The following LEF1 variants were observed in gnomAD, a reference collection of about 807,000 sequenced individuals.
LEF1 encodes lymphoid enhancer binding factor 1, also known as lymphoid enhancer-binding factor 1.
In LEF1, 14 loss-of-function variants were observed where a neutral mutation model predicts 51.2. The observed-to-expected ratio is 0.27, with a 90% confidence interval of 0.18 to 0.43. The LOEUF is 0.43. Among genes scored for constraint, LEF1 ranks in the 20% least tolerant of loss-of-function variants. The pLI is 1.00. For missense variants in LEF1, 386 were observed against 512.0 expected (o/e 0.75, Z 2.37); for synonymous variants, 185 against 183.2 (o/e 1.01, Z -0.08).
At chr4:108,054,172 C>T (rs1737178843) in intron 11 of LEF1, among the ~76,000 whole-genome samples, 2 of 152,178 alleles carry the variant, frequency 1.3e-5, no homozygotes, top group African/African-American at 2.4e-5. Context: ...CCATCGGTTA[C>T]CACCTGGAAA....
intron 9 of LEF1, among the ~76,000 whole-genome samples, chr4:108,069,623 T>C (rs890899954): frequency 2.6e-5 from 4 of 152,126 alleles, no homozygotes; most frequent in African/African-American, 9.7e-5. Flanking sequence ...AAGTGTAAAA[T>C]AATACAGTCC....
rs1739440425 is a variant in LEF1, at chr4:108,083,361, A to G, written c.633T>C (p.Leu211=). 1.2e-6 allele frequency: 2 copies of G among 1,608,146 alleles called. No homozygotes were observed. Among genetic ancestry groups the G allele is most frequent in the South Asian group, 1.1e-5 (1 of 90,982 alleles). Residue 211 remains leucine, a synonymous_variant, in exon 5 of 12, where the codon CTT becomes CTC. Coordinates refer to ENST00000265165, the MANE Select transcript of LEF1 (RefSeq NM_016269.5). ...PGGVGQITPP[L]GWQGQPVYPI... ...GGGTGCAGCAAGGTTCTTACCAGCC[A>G]AGAGGTGGGGTGATCTGTCCAACAC...
At chr4:108,138,764 G>A (rs1446904810) in intron 3 of LEF1, among the ~76,000 whole-genome samples, 1 of 152,228 alleles carries the variant, frequency 6.6e-6, no homozygotes, top group East Asian at 1.9e-4. Context: ...TGAGAATTTA[G>A]GGCTGAGAAC....
Position 108,048,711 on chromosome 4 carries a change from T to C in LEF1, c.*47A>G. The C allele has an allele frequency of 6.2e-7, 1 of 1,610,726 alleles. No homozygotes were observed. Among genetic ancestry groups the C allele is most frequent in the Non-Finnish European group, 8.5e-7 (1 of 1,178,200 alleles). ...TCTCCAGAAGAGGTCCTGGGGTCGCTGCCTTGGCTTTGCACGTTGGGAATG... is the reference window on the plus strand; with the variant it reads ...TCTCCAGAAGAGGTCCTGGGGTCGCCGCCTTGGCTTTGCACGTTGGGAATG... On this transcript the variant is annotated 3_prime_UTR_variant, in exon 12 of 12. Transcript: ENST00000265165.
At chr4:108,064,239 A>G in intron 10 of LEF1, 97 bp downstream of exon 10, 1 of 738,642 alleles carries the variant, frequency 1.4e-6, no homozygotes, top group Non-Finnish European at 2.3e-6. Flanking sequence ...CATAAGTTAC[A>G]GTCACAGAAG....
chr4:108,074,549 T>G (rs1738717594), intron 8 of LEF1, among the ~76,000 whole-genome samples: 1 of 152,232 alleles, frequency 6.6e-6, no homozygotes, highest in Non-Finnish European at 1.5e-5. Context: ...GATAAAATGT[T>G]CTGGGATGGA....
chr4:108,090,923 T>C (rs1447491071), intron 3 of LEF1, among the ~76,000 whole-genome samples: 1 of 152,208 alleles, frequency 6.6e-6, no homozygotes, highest in African/African-American at 2.4e-5. Flanking sequence ...TGTTTGTTTC[T>C]GATTTTAAAC....
chr4:108,149,588 T>C (rs1744231569), intron 3 of LEF1, among the ~76,000 whole-genome samples: 1 of 150,416 alleles, frequency 6.6e-6, no homozygotes. Flanking sequence ...AAAGTGTGTA[T>C]ATATTTGTGT....
intron 11 of LEF1, among the ~76,000 whole-genome samples, chr4:108,060,201 T>C (rs1737578419): frequency 6.6e-6 from 1 of 152,030 alleles, no homozygotes; most frequent in Admixed American, 6.6e-5. Flanking sequence ...CTGAAGAACA[T>C]CCCCATCATG....
In LEF1 at chr4:108,162,757, ACCAACG is replaced by A. The variant is rs1449839119; in HGVS notation, c.414+805_414+810del. On this transcript the variant is annotated intron_variant, in intron 3 of 11. Coordinates refer to ENST00000265165, the MANE Select transcript of LEF1 (RefSeq NM_016269.5). Reference sequence around the variant, plus strand: ...TTGATGGGTCAGTAAAAAGTCCGTCACCAACGCTGGTGGGCTAATTCTAAGAGAGAA... The same window carrying A: ...TTGATGGGTCAGTAAAAAGTCCGTCACTGGTGGGCTAATTCTAAGAGAGAA... Among the ~76,000 whole-genome samples, 13 of 152,274 alleles carry A rather than the reference ACCAACG, an allele frequency of 8.5e-5. 1 individual carries two copies. The highest frequency in any genetic ancestry group is 7.8e-4 in the Admixed American group (12 of 15,292).
intron 3 of LEF1, among the ~76,000 whole-genome samples, chr4:108,150,106 AT>A (rs1744278448): frequency 6.6e-6 from 1 of 152,192 alleles, no homozygotes; most frequent in Admixed American, 6.5e-5. Flanking sequence ...TTCTAAACTA[AT>A]TTCTCTTATT....
At chr4:108,147,119 C>G (rs1209200338) in intron 3 of LEF1, among the ~76,000 whole-genome samples, 6 of 151,922 alleles carry the variant, frequency 3.9e-5, no homozygotes, top group Non-Finnish European at 7.4e-5. Context: ...CAGAGAGAGG[C>G]CCGGGAGGGA....
chr4:108,166,331 C>A, intron 1 of LEF1: 1 of 1,524,860 alleles, frequency 6.6e-7, no homozygotes, highest in South Asian at 1.2e-5. Context: ...TGTTTAAAAC[C>A]CAAAATGTCC....
In LEF1 at chr4:108,070,755, G is replaced by A. The variant is rs1445133819; in HGVS notation, c.1024C>T (p.Arg342Cys). 4.3e-6 allele frequency: 7 copies of A among 1,611,752 alleles called. No homozygotes were observed. Among genetic ancestry groups the A allele is most frequent in the African/African-American group, 1.3e-5 (1 of 74,794 alleles). The part of the protein sequence containing the change: ...ILGRRWHALS[R>C]EEQAKYYELA... ...TCATAATATTTAGCCTGCTCTTCACGGGAGAGGGCATGCCACTAAAACAGA... is the reference window on the plus strand; with the variant it reads ...TCATAATATTTAGCCTGCTCTTCACAGGAGAGGGCATGCCACTAAAACAGA... Residue 342 changes from arginine (R) to cysteine (C), a missense_variant, in exon 9 of 12, where the codon CGT (arginine) becomes TGT (cysteine). Arg to Cys is a radical substitution (Grantham distance 180, BLOSUM62 -3). Coordinates refer to ENST00000265165, the MANE Select transcript of LEF1 (RefSeq NM_016269.5).
rs1740633581 is a variant in LEF1, at chr4:108,099,566, GTGTGTATATATATATA to G, written c.415-10325_415-10310del. On this transcript the variant is annotated intron_variant, in intron 3 of 11. Transcript: ENST00000265165. Reference sequence around the variant, plus strand: ...TATGTGTGTGTGTGTATGTGTGTGTGTGTGTATATATATATATATATATATATATATATATATATAT... The same window carrying G: ...TATGTGTGTGTGTGTATGTGTGTGTGTATATATATATATATATATATATAT... Among the ~76,000 whole-genome samples, 50 of 72,872 alleles carry G rather than the reference GTGTGTATATATATATA, an allele frequency of 6.9e-4. 5 individuals carry two copies. Among genetic ancestry groups the G allele is most frequent in the South Asian group, 3.9e-3 (8 of 2,052 alleles). The allele number at this position is 72,872 out of a possible 152,430, so 47.8% of individuals were successfully genotyped here.
intron 3 of LEF1, among the ~76,000 whole-genome samples, chr4:108,147,905 A>G (rs892660502): frequency 1.3e-5 from 2 of 152,238 alleles, no homozygotes; most frequent in African/African-American, 2.4e-5. Context: ...GATGCAGAGC[A>G]TGTGTTCTCA....
intron 3 of LEF1, among the ~76,000 whole-genome samples, chr4:108,147,321 C>T (rs1744055460): frequency 6.6e-6 from 1 of 151,318 alleles, no homozygotes; most frequent in Non-Finnish European, 1.5e-5. Flanking sequence ...TTTGCATAGA[C>T]ATTATTGAAT....
intron 3 of LEF1, among the ~76,000 whole-genome samples, chr4:108,099,477 G>C (rs1176186143): frequency 6.7e-6 from 1 of 149,458 alleles, no homozygotes; most frequent in Non-Finnish European, 1.5e-5. Flanking sequence ...CCCATACTGA[G>C]AGTCAAGTCT....
At chr4:108,083,532 C>G in intron 4 of LEF1, 86 bp from the exon 5 acceptor site, 1 of 783,832 alleles carries the variant, frequency 1.3e-6, no homozygotes, top group East Asian at 2.8e-5. Flanking sequence ...ACCATTCATA[C>G]TTAAGGTTCA....
Sources: allele counts gnomAD v4.1 joint callset (sites outside exome capture counted in the v4.1 genomes callset), GRCh38; gene constraint gnomAD v4.1.1; transcripts MANE v1.5; gene names NCBI Gene and HGNC (gene_info 2026-07-23, HGNC 2026-07-21).